The following MAML3 variants were observed in gnomAD, a reference collection of about 807,000 sequenced individuals.
The protein encoded by MAML3 is mastermind like transcriptional coactivator 3, also known as mastermind-like protein 3.
Under a neutral mutation model 101.9 loss-of-function variants are expected in MAML3, and 27 were observed. That is an observed-to-expected ratio of 0.27 (90% CI 0.20 to 0.37). The LOEUF (loss-of-function observed/expected upper bound fraction) is 0.37. Among genes scored for constraint, MAML3 ranks in the 10% least tolerant of loss-of-function variants. MAML3 has a pLI of 1.00. For missense variants in MAML3, 1,316 were observed against 1,444.9 expected (o/e 0.91, Z 1.45); for synonymous variants, 501 against 555.9 (o/e 0.90, Z 1.39).
At chr4:139,998,047 A>C (rs1734851183) in intron 1 of MAML3, among the ~76,000 whole-genome samples, 1 of 151,946 alleles carries the variant, frequency 6.6e-6, no homozygotes, top group Non-Finnish European at 1.5e-5. Context: ...TATATTAAGG[A>C]ATTTGGGGAG....
intron 1 of MAML3, among the ~76,000 whole-genome samples, chr4:140,087,319 T>C (rs1287038535): frequency 6.6e-6 from 1 of 152,196 alleles, no homozygotes; most frequent in Non-Finnish European, 1.5e-5. Context: ...CATATACTCA[T>C]CCCTGCCATA....
At chr4:139,779,740 C>A (rs1730164506) in intron 2 of MAML3, among the ~76,000 whole-genome samples, 1 of 152,200 alleles carries the variant, frequency 6.6e-6, no homozygotes, top group African/African-American at 2.4e-5. Context: ...ATTTCATTTT[C>A]AGCCACAGCT....
chr4:139,813,505 G>C (rs1287195637), intron 2 of MAML3, among the ~76,000 whole-genome samples: 1 of 152,184 alleles, frequency 6.6e-6, no homozygotes, highest in South Asian at 2.1e-4. Context: ...TGCATGAAGC[G>C]CTTCAAAATT....
chr4:140,009,128 T>G (rs983509849), intron 1 of MAML3, among the ~76,000 whole-genome samples: 2 of 152,200 alleles, frequency 1.3e-5, no homozygotes, highest in African/African-American at 2.4e-5. Flanking sequence ...GTACACATGC[T>G]CAAATCTGAC....
intron 2 of MAML3, among the ~76,000 whole-genome samples, chr4:139,797,123 T>C (rs892051115): frequency 7.9e-5 from 12 of 152,208 alleles, no homozygotes; most frequent in African/African-American, 2.7e-4. Context: ...GTTCTTACAA[T>C]TGAACAAAAT....
chr4:140,120,429 C>T (rs1382166943), intron 1 of MAML3, among the ~76,000 whole-genome samples: 6 of 152,174 alleles, frequency 3.9e-5, no homozygotes, highest in African/African-American at 7.2e-5. Context: ...TAAAAGGCTT[C>T]GTATCATTCT....
intron 1 of MAML3, among the ~76,000 whole-genome samples, chr4:140,067,795 A>G (rs112361208): frequency 1.0e-4 from 15 of 144,746 alleles, no homozygotes; most frequent in African/African-American, 3.9e-4. Flanking sequence ...GTGCAACAGC[A>G]CGATCTCTGC....
chr4:139,816,483 G>A (rs1730894345), intron 2 of MAML3, among the ~76,000 whole-genome samples: 1 of 152,126 alleles, frequency 6.6e-6, no homozygotes, highest in East Asian at 1.9e-4. Flanking sequence ...TTTTCTCTGG[G>A]GTATAAGGCT....
At chr4:140,149,939 CT>C (rs3051828) in intron 1 of MAML3, among the ~76,000 whole-genome samples, 3,271 of 129,822 alleles carry the variant, frequency 0.025, 105 homozygotes, top group African/African-American at 0.088. Flanking sequence ...ATGTTTCTTT[CT>C]TTTTTTTTTT....
At chr4:139,806,212 T>G (rs72730237) in intron 2 of MAML3, among the ~76,000 whole-genome samples, 9,071 of 152,146 alleles carry the variant, frequency 0.06, 418 homozygotes, top group Non-Finnish European at 0.083. Flanking sequence ...AACAAGCAGA[T>G]TAAAAGCTAG....
chr4:140,006,483 G>A, intron 1 of MAML3, among the ~76,000 whole-genome samples: 1 of 151,798 alleles, frequency 6.6e-6, no homozygotes, highest in East Asian at 1.9e-4. Flanking sequence ...TTACTCTGGA[G>A]GCTGAGGCAA....
At chr4:139,784,338 A>G (rs994319197) in intron 2 of MAML3, among the ~76,000 whole-genome samples, 1 of 152,162 alleles carries the variant, frequency 6.6e-6, no homozygotes. Flanking sequence ...CTGTTTCTAA[A>G]ACCATCTTGC....
At chr4:140,115,024 G>C (rs893168993) in intron 1 of MAML3, among the ~76,000 whole-genome samples, 2 of 152,080 alleles carry the variant, frequency 1.3e-5, no homozygotes, top group African/African-American at 4.8e-5. Context: ...TAAAAGCTCT[G>C]AATTCATATC....
At chr4:140,120,155 T>G (rs1347681268) in intron 1 of MAML3, among the ~76,000 whole-genome samples, 36 of 147,334 alleles carry the variant, frequency 2.4e-4, no homozygotes, top group Non-Finnish European at 2.5e-4. Context: ...GAGAATGGCG[T>G]GAACCCGGGA....
At chr4:140,122,149 A>ATTT (rs34963740) in intron 1 of MAML3, among the ~76,000 whole-genome samples, 12 of 149,128 alleles carry the variant, frequency 8.0e-5, no homozygotes, top group Middle Eastern at 3.5e-3. Flanking sequence ...ATTTTGAGTG[A>ATTT]TTTTTTTTGA....
intron 1 of MAML3, among the ~76,000 whole-genome samples, chr4:140,082,576 T>G (rs1208586322): frequency 1.3e-5 from 2 of 152,076 alleles, no homozygotes. Flanking sequence ...TACCAAGGCA[T>G]GGCCTTTGCA....
intron 2 of MAML3, among the ~76,000 whole-genome samples, chr4:139,850,915 A>AAG (rs1042455204): frequency 6.8e-6 from 1 of 147,336 alleles, no homozygotes; most frequent in Admixed American, 6.7e-5. Flanking sequence ...AAAAAAAAAA[A>AAG]AGAGAGAGAG....
intron 2 of MAML3, among the ~76,000 whole-genome samples, chr4:139,801,533 A>C (rs563200640): frequency 6.6e-6 from 1 of 152,194 alleles, no homozygotes; most frequent in Non-Finnish European, 1.5e-5. Context: ...TCAAAAGGAA[A>C]GCCATAATGT....
intron 1 of MAML3, among the ~76,000 whole-genome samples, chr4:140,126,615 G>A (rs563384107): frequency 5.0e-4 from 76 of 151,970 alleles, no homozygotes; most frequent in African/African-American, 1.5e-3. Flanking sequence ...CCTGCTATAC[G>A]TGCTTTGCCA....
Sources: gnomAD v4.1 joint callset for allele counts (sites outside exome capture counted in the v4.1 genomes callset) on GRCh38, gnomAD v4.1.1 for gene constraint, MANE v1.5 for transcripts, NCBI Gene and HGNC (gene_info 2026-07-23, HGNC 2026-07-21) for gene names.